The following BACE2 variants were observed in gnomAD, a reference collection of about 807,000 sequenced individuals.
BACE2 encodes the protein 56 kDa aspartic-like protease.
In BACE2, 17 loss-of-function variants were observed where a neutral mutation model predicts 46.2. The observed-to-expected ratio is 0.37, with a 90% CI of 0.25 to 0.55. The LOEUF is 0.55. Among genes scored for constraint, BACE2 ranks in the 20% least tolerant of loss-of-function variants. The probability of loss-of-function intolerance (pLI) is 0.82; values close to 1 mark genes in which losing one functional copy is unlikely to be tolerated. For missense variants in BACE2, 595 were observed against 698.1 expected, an observed-to-expected ratio of 0.85 and a Z score of 1.66; for synonymous variants, 277 against 295.9, an observed-to-expected ratio of 0.94 and a Z score of 0.66.
chr21:41,215,682 C>T (rs571599269), intron 1 of BACE2, among the ~76,000 whole-genome samples: 78 of 152,242 alleles, frequency 5.1e-4, no homozygotes, highest in African/African-American at 1.7e-3. Flanking sequence ...GGAACAGGGG[C>T]GGGGACGTCG....
At chr21:41,179,793 T>A (rs1438481031) in intron 1 of BACE2, 1 of 563,696 alleles carries the variant, frequency 1.8e-6, no homozygotes, top group Non-Finnish European at 2.9e-6. Flanking sequence ...CTATTGTGTG[T>A]TTTATTCAAC....
chr21:41,219,587 GA>G (rs1423935195), intron 1 of BACE2, among the ~76,000 whole-genome samples: 1 of 152,178 alleles, frequency 6.6e-6, no homozygotes. Context: ...CAGAAAAAGA[GA>G]GAACCCTGTC....
At chr21:41,274,607 G>A (rs577101692) in intron 8 of BACE2, among the ~76,000 whole-genome samples, 4 of 152,258 alleles carry the variant, frequency 2.6e-5, no homozygotes, top group South Asian at 4.1e-4. Flanking sequence ...TCCACAAACC[G>A]GCTTTAAGAA....
At chr21:41,210,660 C>T (rs1451074826) in intron 1 of BACE2, among the ~76,000 whole-genome samples, 1 of 152,210 alleles carries the variant, frequency 6.6e-6, no homozygotes, top group Non-Finnish European at 1.5e-5. Context: ...CAGGAACCTC[C>T]TCCAGATAAG....
chr21:41,267,392 T>A (rs532333901), intron 8 of BACE2, among the ~76,000 whole-genome samples: 2 of 151,896 alleles, frequency 1.3e-5, no homozygotes, highest in East Asian at 1.9e-4. Context: ...AATAATAGAG[T>A]GTTAAAATTG....
At chr21:41,199,432 G>C (rs1985872911) in intron 1 of BACE2, among the ~76,000 whole-genome samples, 1 of 152,126 alleles carries the variant, frequency 6.6e-6, no homozygotes. Flanking sequence ...GATGCTGCAG[G>C]GGGTGGCAGT....
intron 2 of BACE2, among the ~76,000 whole-genome samples, chr21:41,234,312 A>G (rs1301219157): frequency 6.6e-6 from 1 of 152,230 alleles, no homozygotes; most frequent in East Asian, 1.9e-4. Flanking sequence ...TAAATTACCC[A>G]GTCTTAGGTA....
intron 1 of BACE2, among the ~76,000 whole-genome samples, chr21:41,191,421 C>G (rs2123513426): frequency 6.6e-6 from 1 of 152,282 alleles, no homozygotes; most frequent in South Asian, 2.1e-4. Flanking sequence ...TTCCGTGAAC[C>G]CACGGATGGT....
rs77271505 is a variant in BACE2, at chr21:41,179,203, T to G, written c.312+10628T>G. The stretch of plus-strand genomic sequence containing the variant: ...AGGGTGAGGAGTGAGGGTGTCCAGG[T>G]TGAGTGAGGGTGTCCAGGATGAGGA... On this transcript the variant is annotated intron_variant, in intron 1 of 8. Transcript: ENST00000330333. 52,773 of 1,047,912 alleles carry G rather than the reference T, an allele frequency of 0.05. 9,717 individuals carry two copies. The African/African-American group carries it at 0.66, about 13-fold the overall frequency. The allele number at this position is 1,047,912 out of a possible 1,614,324, so 64.9% of individuals were successfully genotyped here. A position where few individuals can be genotyped will look rare whatever the true frequency, so the allele number is the denominator to read the frequency against.
chr21:41,232,509 G>A (rs569032679), intron 2 of BACE2, among the ~76,000 whole-genome samples: 57 of 152,274 alleles, frequency 3.7e-4, no homozygotes, highest in African/African-American at 1.3e-3. Context: ...TTGGACCTGG[G>A]GCCTCAGTGG....
At chr21:41,212,570 A>G (rs1986333003) in intron 1 of BACE2, among the ~76,000 whole-genome samples, 1 of 152,184 alleles carries the variant, frequency 6.6e-6, no homozygotes, top group Admixed American at 6.5e-5. Context: ...GGGCTATTGC[A>G]GTGCACATCT....
chr21:41,230,872 C>T (rs973394935), intron 2 of BACE2, among the ~76,000 whole-genome samples: 8 of 152,128 alleles, frequency 5.3e-5, no homozygotes, highest in African/African-American at 1.9e-4. Context: ...TTTAAATGTA[C>T]ATCTTTTTTA....
Position 41,239,175 on chromosome 21 carries a change from A to C in BACE2, c.618+1446A>C, listed in dbSNP as rs114668037. Among the ~76,000 whole-genome samples, 1,042 of 141,378 alleles carry C rather than the reference A, an allele frequency of 7.4e-3. 10 individuals carry two copies. Among genetic ancestry groups the C allele is most frequent in the African/African-American group, 0.026 (1,011 of 39,480 alleles). 92.7% of individuals were successfully genotyped at this position (141,378 alleles called of 152,430 possible). ...AGAACATTTGTTCCAGCTCAAGTTT[A>C]TGAGCAGATGGGGGTGGGGTGGGGA... is the stretch of plus-strand genomic sequence containing the variant. On this transcript the variant is annotated intron_variant, in intron 3 of 8. Coordinates refer to ENST00000330333, the MANE Select transcript of BACE2 (RefSeq NM_012105.5).
chr21:41,277,854 T>C lies in BACE2; in HGVS notation c.*2230T>C, dbSNP rs778597123. ...TTTCATATCAGATTTCTTTATCTTT[T>C]CATATCGCATGTCATTGGATGTGAC... On this transcript the variant is annotated 3_prime_UTR_variant, in exon 9 of 9. Transcript: ENST00000330333. 1 of 152,244 alleles carries C rather than the reference T, an allele frequency of 6.6e-6. No homozygotes were observed. Among genetic ancestry groups the C allele is most frequent in the Non-Finnish European group, 1.5e-5 (1 of 68,046 alleles). 9.4% of individuals were successfully genotyped at this position (152,244 alleles called of 1,614,324 possible). A position where few individuals can be genotyped will look rare whatever the true frequency, so the allele number is the denominator to read the frequency against.
intron 1 of BACE2, among the ~76,000 whole-genome samples, chr21:41,202,911 A>AC (rs964118506): frequency 6.6e-6 from 1 of 151,640 alleles, no homozygotes; most frequent in African/African-American, 2.4e-5. Flanking sequence ...CAAAATGATG[A>AC]CCCCCCAAGA....
At chr21:41,214,432 C>A (rs1050722640) in intron 1 of BACE2, among the ~76,000 whole-genome samples, 2 of 152,042 alleles carry the variant, frequency 1.3e-5, no homozygotes, top group East Asian at 3.9e-4. Context: ...TCTGATGATG[C>A]GGTTTTGGGC....
intron 7 of BACE2, among the ~76,000 whole-genome samples, chr21:41,253,942 C>A (rs1404166765): frequency 6.6e-6 from 1 of 152,100 alleles, no homozygotes; most frequent in Non-Finnish European, 1.5e-5. Flanking sequence ...GAGGGGACTC[C>A]AGTAGGAAGC....
Position 41,193,223 on chromosome 21 carries a change from G to T in BACE2, c.312+24648G>T, listed in dbSNP as rs886237114. ...GTAGGACAGTAAAGGTGTATTGCCG[G>T]CCTTGCCAGCGGAAGGCAAATTGCT... is the stretch of plus-strand genomic sequence containing the variant. On this transcript the variant is annotated intron_variant, in intron 1 of 8. Transcript: ENST00000330333. The surrounding 1 kb of genome is among the most constrained non-coding windows in gnomAD (Gnocchi z 4.2). 6.6e-6 allele frequency among the ~76,000 whole-genome samples: 1 copy of T among 152,190 alleles called. No individual in the cohort carries two copies. The highest frequency in any genetic ancestry group is 2.4e-5 in the African/African-American group (1 of 41,448).
At chr21:41,235,649 C>T (rs866522124) in intron 2 of BACE2, among the ~76,000 whole-genome samples, 9 of 152,048 alleles carry the variant, frequency 5.9e-5, no homozygotes, top group African/African-American at 2.2e-4. Context: ...CTAGCTCGGG[C>T]AATATAATGA....
Sources: gnomAD v4.1 joint callset for allele counts (sites outside exome capture counted in the v4.1 genomes callset) on GRCh38, gnomAD v4.1.1 for gene constraint, Gnocchi (gnomAD v3.1) non-coding constraint, MANE v1.5 for transcripts, NCBI Gene and HGNC (gene_info 2026-07-23, HGNC 2026-07-21) for gene names.